DDC: variants seen among roughly 807,000 people sequenced by gnomAD.
DDC encodes dopa decarboxylase, also known as aromatic-L-amino-acid decarboxylase.
Under a neutral mutation model 60.0 loss-of-function variants are expected in DDC, and 43 were observed. The ratio of observed to expected loss-of-function variants is 0.72; its 90% CI spans 0.56 to 0.92. The LOEUF (loss-of-function observed/expected upper bound fraction) is 0.92, where lower values mean the gene tolerates loss of function less well. Ranked by LOEUF, DDC falls within the 40% of genes least tolerant of loss-of-function variation. The probability of loss-of-function intolerance (pLI) is 0.00; values close to 1 mark genes in which losing one functional copy is unlikely to be tolerated. For synonymous variants in DDC, 232 were observed against 234.6 expected (o/e 0.99, Z 0.10); for missense variants, 573 against 620.2 (o/e 0.92, Z 0.81).
Position 50,467,530 on chromosome 7 carries a change from C to T in DDC, c.1141-215G>A, listed in dbSNP as rs549234079. Among the ~76,000 whole-genome samples the T allele has an allele frequency of 3.9e-5, 6 of 152,310 alleles. No homozygotes were observed. The East Asian group carries it at 1.2e-3, about 29-fold the overall frequency. On this transcript the variant is annotated intron_variant, in intron 12 of 14. Transcript: ENST00000444124. ...CACAGGTCTAGTGTCCTCAGAACAC[C>T]AATTGTCATTTTCTTCTGTTCATGG...
intron 1 of DDC, among the ~76,000 whole-genome samples, chr7:50,545,928 G>A (rs1389533251): frequency 6.6e-6 from 1 of 152,152 alleles, no homozygotes; most frequent in Non-Finnish European, 1.5e-5. Context: ...AAAATGCATA[G>A]GGATGCATTT....
At chr7:50,551,899 G>T (rs1413432095) in intron 1 of DDC, among the ~76,000 whole-genome samples, 1 of 151,936 alleles carries the variant, frequency 6.6e-6, no homozygotes, top group Non-Finnish European at 1.5e-5. Context: ...CCCTCCTGGG[G>T]GGCCACACAT....
At chr7:50,462,136 G>C (rs868641541) in intron 14 of DDC, among the ~76,000 whole-genome samples, 3 of 144,910 alleles carry the variant, frequency 2.1e-5, no homozygotes, top group Non-Finnish European at 4.5e-5. Context: ...TATAATGAAC[G>C]AGCCATTGCA....
chr7:50,505,989 C>T (rs767953578), intron 6 of DDC, among the ~76,000 whole-genome samples: 7 of 151,804 alleles, frequency 4.6e-5, no homozygotes, highest in Non-Finnish European at 7.4e-5. Flanking sequence ...TGGGGAAGCA[C>T]GAGGATCAGT....
At chr7:50,554,101 C>T (rs1342396276) in intron 1 of DDC, among the ~76,000 whole-genome samples, 1 of 152,176 alleles carries the variant, frequency 6.6e-6, no homozygotes, top group East Asian at 1.9e-4. Flanking sequence ...GTCAGGCAGA[C>T]CTGAGGTCAA....
chr7:50,500,181 G>A (rs996633644), intron 7 of DDC, among the ~76,000 whole-genome samples: 1 of 151,958 alleles, frequency 6.6e-6, no homozygotes, highest in Non-Finnish European at 1.5e-5. Context: ...GGGTACCGTG[G>A]GGTAGGTGTC....
At chr7:50,518,854 A>G (rs1435418486) in intron 6 of DDC, among the ~76,000 whole-genome samples, 1 of 152,260 alleles carries the variant, frequency 6.6e-6, no homozygotes, top group African/African-American at 2.4e-5. Context: ...ACAAGAACCC[A>G]AAAGCAAATG....
At position 50,492,966 on chromosome 7, in the gene DDC, G is replaced by A. The variant is rs545722357; in HGVS notation, c.944+2384C>T. ...TTCTCACCACCGCACTGACTAAGCA[G>A]GTTTTCTTCAGCCTTAACATACGCA... On this transcript the variant is annotated intron_variant, in intron 9 of 14. Transcript: ENST00000444124. 67 of 1,598,338 alleles carry A rather than the reference G, an allele frequency of 4.2e-5. No individual in the cohort carries two copies. The South Asian group carries it at 6.4e-4, about 15-fold the overall frequency.
At chr7:50,468,132 G>A (rs1424653710) in intron 12 of DDC, among the ~76,000 whole-genome samples, 3 of 152,264 alleles carry the variant, frequency 2.0e-5, no homozygotes, top group Non-Finnish European at 4.4e-5. Context: ...CTGCGGAAAC[G>A]CGGCGCCTCG....
chr7:50,551,581 T>C (rs1240603127), intron 1 of DDC, among the ~76,000 whole-genome samples: 3 of 152,200 alleles, frequency 2.0e-5, no homozygotes, highest in Non-Finnish European at 4.4e-5. Context: ...GTGTGTTTCT[T>C]TGCCATTTGG....
At chr7:50,467,803 C>G (rs1301116413) in intron 12 of DDC, among the ~76,000 whole-genome samples, 1 of 152,134 alleles carries the variant, frequency 6.6e-6, no homozygotes, top group Non-Finnish European at 1.5e-5. Flanking sequence ...AAGGTGCACC[C>G]GGAGGCCTTG....
rs143000245 is a variant in DDC, at chr7:50,518,594, A to G, written c.714+9543T>C. On this transcript the variant is annotated intron_variant, in intron 6 of 14. Coordinates refer to ENST00000444124, the MANE Select transcript of DDC (RefSeq NM_001082971.2). ...CCCAGAAATAAATCCAATACTTACA[A>G]CCAACTGATCTTCAACAAAGCAAAC... 2.0e-3 allele frequency among the ~76,000 whole-genome samples: 310 copies of G among 152,302 alleles called. 1 individual carries two copies. Among genetic ancestry groups the G allele is most frequent in the South Asian group, 8.5e-3 (41 of 4,826 alleles).
intron 6 of DDC, among the ~76,000 whole-genome samples, chr7:50,521,746 G>A (rs778123878): frequency 6.6e-6 from 1 of 152,108 alleles, no homozygotes; most frequent in Non-Finnish European, 1.5e-5. Context: ...ACTAGGATTC[G>A]AGCAGAACAT....
At chr7:50,519,886 TG>T (rs1377313310) in intron 6 of DDC, among the ~76,000 whole-genome samples, 3 of 152,120 alleles carry the variant, frequency 2.0e-5, no homozygotes, top group African/African-American at 7.2e-5. Context: ...TAATAACTTA[TG>T]GGGGAAAAAA....
At chr7:50,551,909 T>G (rs1179005431) in intron 1 of DDC, among the ~76,000 whole-genome samples, 1 of 152,090 alleles carries the variant, frequency 6.6e-6, no homozygotes, top group African/African-American at 2.4e-5. Flanking sequence ...GGGCCACACA[T>G]GTGAGGCAGC....
At chr7:50,488,252 A>G (rs1231148989) in intron 9 of DDC, among the ~76,000 whole-genome samples, 1 of 151,996 alleles carries the variant, frequency 6.6e-6, no homozygotes, top group African/African-American at 2.4e-5. Flanking sequence ...TATTGCTTAA[A>G]TGTCTGGGTC....
intron 10 of DDC, chr7:50,477,458 G>T (rs560361110): frequency 2.2e-5 from 10 of 447,808 alleles, no homozygotes; most frequent in Middle Eastern, 3.5e-4. Context: ...CCCTACTTCC[G>T]CAGTCAACAG....
At chr7:50,517,231 T>A (rs2043758076) in intron 6 of DDC, among the ~76,000 whole-genome samples, 1 of 152,100 alleles carries the variant, frequency 6.6e-6, no homozygotes, top group African/African-American at 2.4e-5. Flanking sequence ...CATGATCAAG[T>A]GGGTTTCATA....
chr7:50,470,875 G>A (rs1479742758), intron 11 of DDC, among the ~76,000 whole-genome samples: 1 of 152,230 alleles, frequency 6.6e-6, no homozygotes, highest in African/African-American at 2.4e-5. Context: ...GCTGGGAAGT[G>A]AGCATAGCAG....
Sources: allele counts gnomAD v4.1 joint callset (sites outside exome capture counted in the v4.1 genomes callset), GRCh38; gene constraint gnomAD v4.1.1; transcripts MANE v1.5; gene names NCBI Gene and HGNC (gene_info 2026-07-23, HGNC 2026-07-21).